GRK4: variants seen among roughly 807,000 people sequenced by gnomAD.
GRK4 encodes the protein G protein-coupled receptor kinase 2-like.
A neutral mutation model predicts 77.9 loss-of-function variants in GRK4; 73 were observed. The observed-to-expected ratio is 0.94, with a 90% confidence interval of 0.78 to 1.14. GRK4 has a LOEUF of 1.14. Among genes scored for constraint, GRK4 ranks in the 50% most tolerant of loss-of-function variants. The probability of loss-of-function intolerance (pLI) is 0.00; values close to 1 mark genes in which losing one functional copy is unlikely to be tolerated. For missense variants in GRK4, 729 were observed against 700.2 expected (o/e 1.04, Z -0.46); for synonymous variants, 257 against 254.4 (o/e 1.01, Z -0.10).
chr4:3,020,686 G>T (rs781450606), intron 9 of GRK4, among the ~76,000 whole-genome samples: 11 of 151,978 alleles, frequency 7.2e-5, no homozygotes, highest in Non-Finnish European at 1.5e-4. Flanking sequence ...CCTTCTGTGG[G>T]TTCATCTGCC....
At chr4:3,039,698 T>TAAAAAA (rs10672202) in intron 15 of GRK4, among the ~76,000 whole-genome samples, 1 of 115,220 alleles carries the variant, frequency 8.7e-6, no homozygotes, top group Non-Finnish European at 1.7e-5. Context: ...AACTCTGTCT[T>TAAAAAA]AAAAAAAAAA....
intron 1 of GRK4, chr4:2,965,285 T>G: frequency 1.4e-6 from 1 of 703,036 alleles, no homozygotes; most frequent in South Asian, 1.5e-5. Context: ...GTCCAGCCCT[T>G]CAGCGGGAGA....
intron 4 of GRK4, among the ~76,000 whole-genome samples, chr4:2,995,832 A>T (rs1727702453): frequency 6.6e-6 from 1 of 152,170 alleles, no homozygotes; most frequent in Non-Finnish European, 1.5e-5. Context: ...GTTTGACCCG[A>T]ATTCTCACTG....
chr4:2,972,362 C>A (rs1319791783), intron 1 of GRK4, among the ~76,000 whole-genome samples: 1 of 152,178 alleles, frequency 6.6e-6, no homozygotes, highest in African/African-American at 2.4e-5. Flanking sequence ...GTAGTATTGA[C>A]AGCATAGCCG....
intron 1 of GRK4, among the ~76,000 whole-genome samples, chr4:2,972,778 A>C (rs773939147): frequency 3.3e-5 from 5 of 152,074 alleles, no homozygotes; most frequent in African/African-American, 4.8e-5. Flanking sequence ...TCTGTCACCC[A>C]GGCTGGAGTG....
intron 1 of GRK4, among the ~76,000 whole-genome samples, chr4:2,983,272 A>G (rs922038468): frequency 6.6e-6 from 1 of 152,236 alleles, no homozygotes; most frequent in Non-Finnish European, 1.5e-5. Context: ...TGTTCCAAGG[A>G]AATGTGGCTT....
At chr4:3,008,852 A>T (rs2109868089) in intron 6 of GRK4, among the ~76,000 whole-genome samples, 1 of 151,836 alleles carries the variant, frequency 6.6e-6, no homozygotes, top group South Asian at 2.1e-4. Flanking sequence ...TATTAGTACT[A>T]TTATTATTGA....
Position 3,027,968 on chromosome 4 carries a change from G to C in GRK4, c.1027G>C (p.Val343Leu), listed in dbSNP as rs140924898. The C allele has an allele frequency of 1.6e-5, 26 of 1,614,166 alleles. No individual in the cohort carries two copies. The African/African-American group carries it at 3.2e-4, about 20-fold the overall frequency. Reference sequence around the variant, plus strand: ...CACAGAGATCCCAGAAGGACAGAGGGTTCGAGGAAGAGTTGGAACAGTCGG... The same window carrying C: ...CACAGAGATCCCAGAAGGACAGAGGCTTCGAGGAAGAGTTGGAACAGTCGG... ...LATEIPEGQRVRGRVGTVGYM... is the reference protein window; with the variant it reads ...LATEIPEGQRLRGRVGTVGYM... The change falls in exon 11 of 16, where the codon GTT (valine) becomes CTT (leucine). Residue 343 changes from valine to leucine, a missense_variant. Coordinates refer to ENST00000398052, the MANE Select transcript of GRK4 (RefSeq NM_182982.3).
At chr4:3,026,590 A>C (rs970037388) in intron 10 of GRK4, among the ~76,000 whole-genome samples, 1 of 152,186 alleles carries the variant, frequency 6.6e-6, no homozygotes, top group Non-Finnish European at 1.5e-5. Flanking sequence ...AGAAAATGAA[A>C]TGTGGATTAT....
At chr4:3,028,853 C>T (rs1380462973) in intron 11 of GRK4, among the ~76,000 whole-genome samples, 4 of 151,748 alleles carry the variant, frequency 2.6e-5, no homozygotes, top group Non-Finnish European at 5.9e-5. Flanking sequence ...CTCACTGCAA[C>T]GTCCACCTCC....
rs115263918 is a variant in GRK4 at position 2,996,948 on chromosome 4, G to A, written c.339+4656G>A. On this transcript the variant is annotated intron_variant, in intron 4 of 15. Transcript: ENST00000398052. ...AAAAGGGAACCCCTAGGCTAGGTGC[G>A]GTGGCTCATGCCTGTAATCCCAGCA... Among the ~76,000 whole-genome samples the A allele has an allele frequency of 5.0e-3, 756 of 152,160 alleles. 3 individuals are homozygous for A. Among genetic ancestry groups the A allele is most frequent in the African/African-American group, 0.016 (679 of 41,492 alleles).
At chr4:2,978,684 C>G (rs1721910170) in intron 1 of GRK4, among the ~76,000 whole-genome samples, 1 of 152,204 alleles carries the variant, frequency 6.6e-6, no homozygotes, top group South Asian at 2.1e-4. Flanking sequence ...GTGGCTCATG[C>G]TTGTAATCCC....
chr4:2,964,165 C>T, intron 1 of GRK4, 43 bp downstream of exon 1: 1 of 1,511,920 alleles, frequency 6.6e-7, no homozygotes, highest in South Asian at 1.2e-5. Flanking sequence ...CCCAGAGAAC[C>T]CCGAATCCCG....
chr4:3,012,041 C>T (rs557598877), intron 7 of GRK4, among the ~76,000 whole-genome samples: 3 of 152,290 alleles, frequency 2.0e-5, no homozygotes, highest in Admixed American at 2.0e-4. Flanking sequence ...CGGCCCTGCC[C>T]GCCAGGCTGC....
At position 3,027,139 on chromosome 4, in the gene GRK4, A is replaced by G. The variant is rs551873866; in HGVS notation, c.971-773A>G. On this transcript the variant is annotated intron_variant, in intron 10 of 15. Coordinates refer to ENST00000398052, the MANE Select transcript of GRK4 (RefSeq NM_182982.3). ...ACCGCAGCCTCGACCTTCTGGGCTT[A>G]AGCGATCCTCCTGCCTCAGCCTCCA... Among the ~76,000 whole-genome samples, 12 of 152,328 alleles carry G rather than the reference A, an allele frequency of 7.9e-5. No homozygotes were observed. In the South Asian group the frequency reaches 1.7e-3, roughly 21 times the overall value.
At chr4:3,013,112 C>T (rs956685858) in intron 7 of GRK4, among the ~76,000 whole-genome samples, 1 of 151,722 alleles carries the variant, frequency 6.6e-6, no homozygotes, top group Admixed American at 6.6e-5. Context: ...GGCGCGATCT[C>T]GGCTTACTAC....
intron 4 of GRK4, among the ~76,000 whole-genome samples, chr4:3,001,326 TACACACACAC>T (rs771757282): frequency 2.5e-4 from 29 of 115,198 alleles, no homozygotes; most frequent in Admixed American, 1.0e-3. Flanking sequence ...TGAGTACATA[TACACACACAC>T]ACACACACAC....
intron 8 of GRK4, among the ~76,000 whole-genome samples, chr4:3,014,438 A>G (rs190053599): frequency 2.0e-5 from 3 of 151,740 alleles, no homozygotes; most frequent in Admixed American, 2.0e-4. Flanking sequence ...CTGGGACCAC[A>G]GGCACACACC....
chr4:2,991,342 T>C, intron 3 of GRK4, among the ~76,000 whole-genome samples: 1 of 152,212 alleles, frequency 6.6e-6, no homozygotes, highest in Admixed American at 6.5e-5. Flanking sequence ...TTATAAACTT[T>C]AATCGTATGT....
Sources: allele counts gnomAD v4.1 joint callset (sites outside exome capture counted in the v4.1 genomes callset), GRCh38; gene constraint gnomAD v4.1.1; transcripts MANE v1.5; gene names NCBI Gene and HGNC (gene_info 2026-07-23, HGNC 2026-07-21).